SYT14: variants seen among roughly 807,000 people sequenced by gnomAD.
SYT14 encodes the protein synaptotagmin-14.
In SYT14, 32 loss-of-function variants were observed where a neutral mutation model predicts 74.2. The observed-to-expected ratio is 0.43, with a 90% CI of 0.33 to 0.58. The LOEUF (loss-of-function observed/expected upper bound fraction) is 0.58. SYT14 is among the 20% of genes least tolerant of loss of function. SYT14 has a pLI of 0.05. For synonymous variants in SYT14, 298 were observed against 337.7 expected (o/e 0.88, Z 1.29); for missense variants, 791 against 981.8 (o/e 0.81, Z 2.60).
chr1:210,028,480 A>AT (rs915440107), intron 5 of SYT14, among the ~76,000 whole-genome samples: 8 of 151,912 alleles, frequency 5.3e-5, no homozygotes, highest in South Asian at 2.1e-4. Flanking sequence ...TGCCCCTGTG[A>AT]TTTTAACTAC....
At chr1:210,034,307 C>T (rs1179152646) in intron 5 of SYT14, among the ~76,000 whole-genome samples, 2 of 151,730 alleles carry the variant, frequency 1.3e-5, no homozygotes, top group Non-Finnish European at 3.0e-5. Flanking sequence ...ACTTAGATAA[C>T]ATAATATGAG....
exon 10 of SYT14, chr1:210,166,103 T>C (rs1442094100): frequency 6.6e-6 from 1 of 151,888 alleles, no homozygotes; most frequent in Non-Finnish European, 1.5e-5. Flanking sequence ...AGTAGAAGAG[T>C]GCAACATGGA....
At chr1:210,059,443 T>TAGAGAGAG (rs1356440193) in intron 5 of SYT14, among the ~76,000 whole-genome samples, 1,335 of 95,838 alleles carry the variant, frequency 0.014, 6 homozygotes, top group Non-Finnish European at 0.021. Flanking sequence ...TATATATATA[T>TAGAGAGAG]ATATATATAG....
intron 5 of SYT14, among the ~76,000 whole-genome samples, chr1:210,046,619 G>A (rs927831435): frequency 5.3e-5 from 8 of 152,050 alleles, no homozygotes; most frequent in Non-Finnish European, 8.8e-5. Context: ...ATCATACAAC[G>A]TGAAGTCTCT....
intron 2 of SYT14, among the ~76,000 whole-genome samples, chr1:209,996,418 C>T (rs933972625): frequency 1.3e-5 from 2 of 152,012 alleles, no homozygotes; most frequent in Non-Finnish European, 2.9e-5. Context: ...GATTGAAATC[C>T]TGAACAGATC....
chr1:210,155,971 T>C lies in SYT14; in HGVS notation c.2224+61T>C, dbSNP rs1206147708. On this transcript the variant is annotated intron_variant, in intron 8 of 9. Coordinates refer to ENST00000637265, the Ensembl canonical transcript of SYT14. ...TCTGCACTTTTGGGACTCTCAGTATTAGGGAGTTCAATCCTATCATTTAGT... is the reference window on the plus strand; with the variant it reads ...TCTGCACTTTTGGGACTCTCAGTATCAGGGAGTTCAATCCTATCATTTAGT... The C allele has an allele frequency of 2.8e-6, 4 of 1,439,842 alleles. No individual in the cohort carries two copies. The East Asian group carries it at 9.4e-5, about 34-fold the overall frequency. 89.2% of individuals were successfully genotyped at this position (1,439,842 alleles called of 1,614,324 possible).
intron 2 of SYT14, among the ~76,000 whole-genome samples, chr1:209,988,471 A>G (rs1465064248): frequency 6.6e-6 from 1 of 152,040 alleles, no homozygotes; most frequent in Non-Finnish European, 1.5e-5. Context: ...TTCTTTGCAT[A>G]CCTGATAATT....
intron 2 of SYT14, among the ~76,000 whole-genome samples, chr1:209,986,582 C>T (rs1194258332): frequency 1.3e-5 from 2 of 151,710 alleles, no homozygotes; most frequent in Non-Finnish European, 2.9e-5. Flanking sequence ...CATTGCACTC[C>T]AGCCTGGGTG....
chr1:210,087,911 T>C (rs937633304), intron 5 of SYT14, among the ~76,000 whole-genome samples: 3 of 152,194 alleles, frequency 2.0e-5, no homozygotes, highest in African/African-American at 7.2e-5. Context: ...GGCTGAAATT[T>C]TCAGAAAGAG....
intron 6 of SYT14, among the ~76,000 whole-genome samples, chr1:210,098,665 G>GTA (rs2102539896): frequency 6.6e-6 from 1 of 151,780 alleles, no homozygotes; most frequent in South Asian, 2.1e-4. Flanking sequence ...AGGCGCTGAA[G>GTA]TATAGTCTCT....
intron 7 of SYT14, among the ~76,000 whole-genome samples, chr1:210,137,987 T>A (rs1028386505): frequency 2.0e-5 from 3 of 152,206 alleles, no homozygotes; most frequent in Non-Finnish European, 4.4e-5. Context: ...CCTCTTTTTT[T>A]AATTATAATT....
intron 6 of SYT14, among the ~76,000 whole-genome samples, chr1:210,095,059 A>C (rs2081945724): frequency 6.6e-6 from 1 of 152,184 alleles, no homozygotes; most frequent in South Asian, 2.1e-4. Context: ...ATTTGAATCC[A>C]TGGCTTCATG....
intron 5 of SYT14, among the ~76,000 whole-genome samples, chr1:210,054,499 ATTTTCT>A (rs952253574): frequency 4.0e-5 from 6 of 150,296 alleles, no homozygotes; most frequent in African/African-American, 1.5e-4. Context: ...CTTATATTAC[ATTTTCT>A]TTTTTTTAAG....
At chr1:210,096,473 C>T (rs554754772) in intron 6 of SYT14, among the ~76,000 whole-genome samples, 1 of 152,272 alleles carries the variant, frequency 6.6e-6, no homozygotes, top group South Asian at 2.1e-4. Flanking sequence ...TCCATTAACA[C>T]ACCTGGGGAT....
intron 5 of SYT14, among the ~76,000 whole-genome samples, chr1:210,075,821 G>A (rs959192361): frequency 2.6e-5 from 4 of 152,082 alleles, no homozygotes; most frequent in South Asian, 2.1e-4. Context: ...CCCTCCTTCC[G>A]TATCAGTAGT....
chr1:209,990,551 ATATATATACG>A (rs1281623324), intron 2 of SYT14, among the ~76,000 whole-genome samples: 1 of 113,132 alleles, frequency 8.8e-6, no homozygotes. Context: ...ATATATATGT[ATATATATACG>A]TATATATATG....
intron 2 of SYT14, among the ~76,000 whole-genome samples, chr1:209,984,236 G>A (rs1208909055): frequency 6.6e-6 from 1 of 152,206 alleles, no homozygotes; most frequent in Non-Finnish European, 1.5e-5. Context: ...AGGTATATGA[G>A]CTGATGTCCC....
intron 2 of SYT14, among the ~76,000 whole-genome samples, chr1:209,985,316 C>A (rs2079552262): frequency 6.6e-6 from 1 of 152,200 alleles, no homozygotes; most frequent in Non-Finnish European, 1.5e-5. Flanking sequence ...GCTGCAGACC[C>A]CATGTTAGTT....
At chr1:209,999,413 G>T (rs926823627) in intron 2 of SYT14, among the ~76,000 whole-genome samples, 14 of 152,044 alleles carry the variant, frequency 9.2e-5, no homozygotes, top group South Asian at 2.1e-4. Flanking sequence ...GTATTTATCT[G>T]AGGGTGAAGA....
Sources: gnomAD v4.1 joint callset for allele counts (sites outside exome capture counted in the v4.1 genomes callset) on GRCh38, gnomAD v4.1.1 for gene constraint, MANE v1.5 for transcripts, NCBI Gene and HGNC (gene_info 2026-07-23, HGNC 2026-07-21) for gene names.